The following HTT variants were observed in gnomAD, a reference collection of about 807,000 sequenced individuals.
HTT encodes the protein huntingtin, also known as huntington disease protein.
A neutral mutation model predicts 362.3 loss-of-function variants in HTT; 104 were observed. The ratio of observed to expected loss-of-function variants is 0.29; its 90% confidence interval spans 0.24 to 0.34. HTT has a LOEUF of 0.34. Among genes scored for constraint, HTT ranks in the 10% least tolerant of loss-of-function variants. HTT has a pLI of 1.00. For missense variants in HTT, 3,301 were observed against 3,928.6 expected (o/e 0.84, Z 4.27); for synonymous variants, 1,577 against 1,548.7 (o/e 1.02, Z -0.43).
intron 45 of HTT, among the ~76,000 whole-genome samples, chr4:3,208,055 T>G (rs1327771486): frequency 6.6e-6 from 1 of 152,112 alleles, no homozygotes; most frequent in Non-Finnish European, 1.5e-5. Flanking sequence ...ACACAAAAAT[T>G]ATTATGCTTT....
At chr4:3,100,991 A>G (rs1364928668) in intron 3 of HTT, among the ~76,000 whole-genome samples, 28 of 152,192 alleles carry the variant, frequency 1.8e-4, no homozygotes, top group Admixed American at 1.8e-3. Flanking sequence ...GGTTTCCCAA[A>G]GTGCTGGGAT....
intron 18 of HTT, 73 bp downstream of exon 18, chr4:3,132,984 G>C (rs374675594): frequency 8.9e-7 from 1 of 1,123,688 alleles, no homozygotes; most frequent in African/African-American, 1.5e-5. Context: ...TAAAATTGGA[G>C]CTTAATAGGA....
chr4:3,140,689 G>T, intron 22 of HTT, 33 bp downstream of exon 22: 3 of 1,600,700 alleles, frequency 1.9e-6, no homozygotes, highest in Non-Finnish European at 2.6e-6. Flanking sequence ...TCACATTGTC[G>T]GGAAAATGCC....
intron 29 of HTT, among the ~76,000 whole-genome samples, chr4:3,166,484 G>C (rs1182231045): frequency 1.3e-5 from 2 of 152,262 alleles, no homozygotes; most frequent in Non-Finnish European, 2.9e-5. Flanking sequence ...ATCTGGAGAA[G>C]CTGTCTGCTG....
intron 54 of HTT, 91 bp downstream of exon 54, chr4:3,222,578 G>C (rs1720729602): frequency 1.1e-6 from 1 of 927,322 alleles, no homozygotes; most frequent in African/African-American, 1.7e-5. Flanking sequence ...GCAAGCTGGT[G>C]TTCTTTTTTT....
intron 42 of HTT, among the ~76,000 whole-genome samples, chr4:3,205,418 A>G (rs567681594): frequency 7.2e-5 from 11 of 152,200 alleles, no homozygotes; most frequent in African/African-American, 2.7e-4. Context: ...GGTGATGACA[A>G]TTTATTAATA....
intron 40 of HTT, among the ~76,000 whole-genome samples, chr4:3,194,567 C>T (rs1180730608): frequency 6.6e-6 from 1 of 152,200 alleles, no homozygotes; most frequent in African/African-American, 2.4e-5. Flanking sequence ...TTCAAGGACA[C>T]ATCTTGTGCT....
intron 1 of HTT, among the ~76,000 whole-genome samples, chr4:3,084,820 C>T (rs13111038): frequency 6.6e-6 from 1 of 151,658 alleles, no homozygotes; most frequent in African/African-American, 2.4e-5. Flanking sequence ...CAGACCATCC[C>T]GGCTAACACG....
Position 3,228,723 on chromosome 4 carries a change from C to A in HTT, c.7957C>A (p.Pro2653Thr). 1.3e-6 allele frequency: 2 copies of A among 1,597,718 alleles called. No homozygotes were observed. Among genetic ancestry groups the A allele is most frequent in the South Asian group, 1.1e-5 (1 of 89,392 alleles). The change falls in exon 58 of 67, where the codon CCC becomes ACC. Residue 2653 changes from proline (P) to threonine (T), a missense_variant. Pro to Thr is a conservative substitution (Grantham distance 38). Transcript: ENST00000355072. The surrounding 1 kb of genome is among the most constrained non-coding windows in gnomAD (Gnocchi z 4.3). ...EADAPAPSSPPTSPVNSRKHR... is the reference protein window; with the variant it reads ...EADAPAPSSPTTSPVNSRKHR... The stretch of plus-strand genomic sequence containing the variant: ...CGACGCCCCTGCACCTTCGTCACCA[C>A]CCACGTCTCCAGTCAACTCCAGGTT...
intron 40 of HTT, among the ~76,000 whole-genome samples, chr4:3,191,331 G>A (rs534751718): frequency 6.6e-6 from 1 of 151,836 alleles, no homozygotes; most frequent in Non-Finnish European, 1.5e-5. Context: ...GCACCACCAC[G>A]CCTGGCTAAT....
chr4:3,190,680 C>T lies in HTT; in HGVS notation c.5368+1587C>T, dbSNP rs113241112. On this transcript the variant is annotated intron_variant, in intron 40 of 66. Transcript: ENST00000355072. ...CACTGCACTCCAGCCTGGGCGAGAT[C>T]GAGACCATGTCTCTAGAGAAAGAAA... Among the ~76,000 whole-genome samples the T allele has an allele frequency of 4.1e-3, 623 of 152,264 alleles. 5 individuals carry two copies. The highest frequency in any genetic ancestry group is 0.014 in the African/African-American group (600 of 41,566).
chr4:3,207,935 G>C (rs1377283761), intron 45 of HTT, among the ~76,000 whole-genome samples: 1 of 152,092 alleles, frequency 6.6e-6, no homozygotes, highest in Non-Finnish European at 1.5e-5. Flanking sequence ...CTTGCGGGGC[G>C]GGGTGGGGGG....
intron 28 of HTT, among the ~76,000 whole-genome samples, chr4:3,159,513 G>T (rs941321399): frequency 6.6e-6 from 1 of 152,088 alleles, no homozygotes; most frequent in African/African-American, 2.4e-5. Context: ...CTTTCCTTTG[G>T]CTGGCCTTAG....
chr4:3,219,995 A>G (rs1006756813), intron 52 of HTT, among the ~76,000 whole-genome samples, 187 bp from the exon 53 acceptor site: 2 of 152,142 alleles, frequency 1.3e-5, no homozygotes, highest in Admixed American at 6.5e-5. Context: ...TGGGAGGGCC[A>G]CTTGATGGGG....
intron 2 of HTT, among the ~76,000 whole-genome samples, chr4:3,091,204 G>A (rs190767076): frequency 6.6e-6 from 1 of 152,294 alleles, no homozygotes; most frequent in East Asian, 1.9e-4. Flanking sequence ...TGTTAAAACA[G>A]GTATAGAACA....
At position 3,175,244 on chromosome 4, in the gene HTT, T is replaced by C. The variant is rs968206621; in HGVS notation, c.4407+137T>C. On this transcript the variant is annotated intron_variant, in intron 33 of 66. Transcript: ENST00000355072. ...CAGTTGCTGCTGCTTATCTTTTTCA[T>C]GCACCTAGCTGGTGCAGAAGGCCTG... 12 of 817,250 alleles carry C rather than the reference T, an allele frequency of 1.5e-5. No individual in the cohort carries two copies. The African/African-American group carries it at 1.9e-4, about 13-fold the overall frequency. 50.6% of individuals were successfully genotyped at this position (817,250 alleles called of 1,614,324 possible).
In HTT at chr4:3,206,926, C is replaced by T. The variant is rs765774656; in HGVS notation, c.6018C>T (p.Arg2006=). The part of the protein sequence containing the change: ...LLCTPFRVLA[R]MVDILACRRV... ...GCACCCCTTTCCGTGTGCTGGCTCG[C>T]ATGGTCGACATCCTTGCTTGTCGCC... The change falls in exon 44 of 67, where the codon CGC becomes CGT. Residue 2006 remains arginine (R), a synonymous_variant. Coordinates refer to ENST00000355072, the MANE Select transcript of HTT (RefSeq NM_001388492.1). The surrounding 1 kb of genome is among the most constrained non-coding windows in gnomAD (Gnocchi z 4.6). 57 of 1,613,988 alleles carry T rather than the reference C, an allele frequency of 3.5e-5. No individual in the cohort carries two copies. The highest frequency in any genetic ancestry group is 4.7e-5 in the Non-Finnish European group (56 of 1,180,018).
Position 3,116,253 on chromosome 4 carries a change from A to G in HTT, c.1058A>G (p.Gln353Arg). The change falls in exon 8 of 67, where the codon CAG becomes CGG. Residue 353 changes from glutamine to arginine, a missense_variant. This residue lies in a region of HTT where 2,316 missense variants were observed against 2,658.5 expected (regional missense o/e 0.87). Transcript: ENST00000355072. Reference sequence around the variant, plus strand: ...ATGGAAGTCTCTCCTTCTGCAGAGCAGCTTGTCCAGGTAGGAGCACAGGGT... The same window carrying G: ...ATGGAAGTCTCTCCTTCTGCAGAGCGGCTTGTCCAGGTAGGAGCACAGGGT... Reference protein sequence around the residue: ...KEMEVSPSAEQLVQVYELTLH... With the variant: ...KEMEVSPSAERLVQVYELTLH... 6.2e-7 allele frequency: 1 copy of G among 1,610,254 alleles called. No individual in the cohort carries two copies. The highest frequency in any genetic ancestry group is 1.1e-5 in the South Asian group (1 of 90,986).
chr4:3,124,876 G>A (rs1715453995), intron 10 of HTT, among the ~76,000 whole-genome samples: 1 of 152,114 alleles, frequency 6.6e-6, no homozygotes, highest in African/African-American at 2.4e-5. Flanking sequence ...TATTTTGATA[G>A]TGTCATTTAA....
Sources: gnomAD v4.1 joint callset for allele counts (sites outside exome capture counted in the v4.1 genomes callset) on GRCh38, gnomAD v4.1.1 for gene constraint, gnomAD v4.1.1 regional missense constraint, Gnocchi (gnomAD v3.1) non-coding constraint, MANE v1.5 for transcripts, NCBI Gene and HGNC (gene_info 2026-07-23, HGNC 2026-07-21) for gene names.